Variants in LINGO2 observed in about 807,000 individuals in gnomAD.
LINGO2 encodes leucine-rich repeat and immunoglobulin-like domain-containing nogo receptor-interacting protein 2.
LINGO2 carries 14 observed loss-of-function variants against 30.6 expected under a neutral mutation model. That is an observed-to-expected ratio of 0.46 (90% CI 0.30 to 0.72). The LOEUF (loss-of-function observed/expected upper bound fraction) is 0.72. LINGO2 is among the 30% of genes least tolerant of loss of function. LINGO2 has a pLI of 0.07. For missense variants in LINGO2, 729 were observed against 751.7 expected (o/e 0.97, Z 0.35); for synonymous variants, 317 against 288.5 (o/e 1.10, Z -1.00).
At chr9:28,295,730 C>T (rs1332479735) in intron 3 of LINGO2, among the ~76,000 whole-genome samples, 1 of 152,082 alleles carries the variant, frequency 6.6e-6, no homozygotes, top group African/African-American at 2.4e-5. Context: ...ATAATATTCT[C>T]AGGGTAACTG....
At chr9:28,042,042 A>G (rs754042110) in intron 4 of LINGO2, among the ~76,000 whole-genome samples, 1 of 152,192 alleles carries the variant, frequency 6.6e-6, no homozygotes, top group African/African-American at 2.4e-5. Flanking sequence ...CAGTTTCATC[A>G]TCTGTAAAAT....
chr9:28,254,312 G>A (rs1347708349), intron 4 of LINGO2, among the ~76,000 whole-genome samples: 1 of 151,980 alleles, frequency 6.6e-6, no homozygotes, highest in Non-Finnish European at 1.5e-5. Context: ...TATTTCCACT[G>A]TATTGTTGGA....
the LINGO2 span, among the ~76,000 whole-genome samples, chr9:28,681,402 G>A: frequency 1.3e-5 from 2 of 152,002 alleles, no homozygotes; most frequent in Non-Finnish European, 2.9e-5. Flanking sequence ...CCCATACTGT[G>A]GTGTCCTCAT....
the LINGO2 span, among the ~76,000 whole-genome samples, chr9:28,794,299 G>A: frequency 1.3e-5 from 2 of 152,062 alleles, no homozygotes; most frequent in Non-Finnish European, 1.5e-5. Flanking sequence ...GTCAGACTCC[G>A]TCTCAAAACA....
At chr9:28,734,422 G>A in the LINGO2 span, among the ~76,000 whole-genome samples, 1 of 152,040 alleles carries the variant, frequency 6.6e-6, no homozygotes, top group Non-Finnish European at 1.5e-5. Context: ...ACATTTTTTG[G>A]ACCTCAGTTG....
intron 1 of LINGO2, among the ~76,000 whole-genome samples, chr9:28,645,941 C>T (rs1827821356): frequency 6.6e-6 from 1 of 152,106 alleles, no homozygotes; most frequent in Non-Finnish European, 1.5e-5. Context: ...CTCTTACTTA[C>T]TGAGTTTAGT....
chr9:28,583,393 C>G (rs905080154), intron 1 of LINGO2, among the ~76,000 whole-genome samples: 61 of 151,910 alleles, frequency 4.0e-4, no homozygotes, highest in African/African-American at 1.4e-3. Context: ...TTATAAAAAT[C>G]TAAATGTCTC....
intron 2 of LINGO2, among the ~76,000 whole-genome samples, chr9:28,438,508 C>A (rs1482771898): frequency 6.6e-6 from 1 of 152,120 alleles, no homozygotes; most frequent in Non-Finnish European, 1.5e-5. Context: ...CAGCCTCAGA[C>A]TGAATTATAC....
chr9:28,833,492 G>C, the LINGO2 span, among the ~76,000 whole-genome samples: 7 of 152,138 alleles, frequency 4.6e-5, no homozygotes, highest in African/African-American at 1.7e-4. Context: ...ATATGTAATG[G>C]AACCTAAGTC....
chr9:28,366,902 C>G (rs1051924588), intron 3 of LINGO2, among the ~76,000 whole-genome samples: 1 of 151,294 alleles, frequency 6.6e-6, no homozygotes, highest in Non-Finnish European at 1.5e-5. Flanking sequence ...AACAGGCTTA[C>G]TCTCACCTCT....
intron 4 of LINGO2, among the ~76,000 whole-genome samples, chr9:28,250,107 C>T (rs1296112996): frequency 6.6e-6 from 1 of 152,110 alleles, no homozygotes; most frequent in Admixed American, 6.6e-5. Flanking sequence ...AAAACAGTCC[C>T]TGTCCTCATG....
chr9:29,070,147 A>G, the LINGO2 span, among the ~76,000 whole-genome samples: 141 of 152,142 alleles, frequency 9.3e-4, no homozygotes, highest in African/African-American at 3.2e-3. Flanking sequence ...AAGAACTCCT[A>G]TTATCTTCTA....
At chr9:28,787,760 T>C in the LINGO2 span, among the ~76,000 whole-genome samples, 2 of 152,294 alleles carry the variant, frequency 1.3e-5, no homozygotes, top group Admixed American at 1.3e-4. Flanking sequence ...ATTTACTATG[T>C]AGCTATTTCT....
intron 3 of LINGO2, among the ~76,000 whole-genome samples, chr9:28,303,872 C>T (rs760771730): frequency 6.6e-6 from 1 of 151,838 alleles, no homozygotes; most frequent in Non-Finnish European, 1.5e-5. Context: ...GCAGGAGAAC[C>T]AACACACTGG....
intron 4 of LINGO2, among the ~76,000 whole-genome samples, chr9:28,240,671 G>A (rs1213168279): frequency 6.6e-6 from 1 of 152,010 alleles, no homozygotes; most frequent in African/African-American, 2.4e-5. Flanking sequence ...TAAATCTAAG[G>A]CCTTAAACTA....
chr9:28,046,966 G>A (rs981806810), intron 4 of LINGO2, among the ~76,000 whole-genome samples: 4 of 152,236 alleles, frequency 2.6e-5, no homozygotes, highest in Admixed American at 2.0e-4. Context: ...ACAGTGAGAT[G>A]GGAGAAAGCA....
intron 1 of LINGO2, among the ~76,000 whole-genome samples, chr9:28,482,512 T>C (rs1236829147): frequency 6.6e-6 from 1 of 152,118 alleles, no homozygotes; most frequent in African/African-American, 2.4e-5. Flanking sequence ...TCATTGTAGA[T>C]TCTGGATATT....
At chr9:29,148,917 C>T in the LINGO2 span, among the ~76,000 whole-genome samples, 1 of 152,078 alleles carries the variant, frequency 6.6e-6, no homozygotes, top group Non-Finnish European at 1.5e-5. Flanking sequence ...ATATTTAAGG[C>T]TTTATTATAT....
At chr9:28,615,235 C>T (rs192494339) in intron 1 of LINGO2, among the ~76,000 whole-genome samples, 173 of 152,156 alleles carry the variant, frequency 1.1e-3, no homozygotes, top group African/African-American at 3.9e-3. Context: ...TCTTAGAGGG[C>T]CCATGGATAA....
Sources: allele counts gnomAD v4.1 joint callset (sites outside exome capture counted in the v4.1 genomes callset), GRCh38; gene constraint gnomAD v4.1.1; transcripts MANE v1.5; gene names NCBI Gene and HGNC (gene_info 2026-07-23, HGNC 2026-07-21).